GNPTAB: variants seen among roughly 807,000 people sequenced by gnomAD.
The protein encoded by GNPTAB is N-acetylglucosamine-1-phosphotransferase subunits alpha/beta.
A neutral mutation model predicts 136.6 loss-of-function variants in GNPTAB; 92 were observed. The observed-to-expected ratio is 0.67, with a 90% CI of 0.57 to 0.80. GNPTAB has a LOEUF of 0.80. GNPTAB is among the 30% of genes least tolerant of loss of function. The probability of loss-of-function intolerance (pLI) is 0.00; values close to 1 mark genes in which losing one functional copy is unlikely to be tolerated. For synonymous variants in GNPTAB, 512 were observed against 535.1 expected, an observed-to-expected ratio of 0.96 and a Z score of 0.60; for missense variants, 1,343 against 1,501.8, an observed-to-expected ratio of 0.89 and a Z score of 1.75.
intron 1 of GNPTAB, among the ~76,000 whole-genome samples, chr12:101,827,284 A>G (rs556106220): frequency 6.6e-6 from 1 of 151,896 alleles, no homozygotes; most frequent in South Asian, 2.1e-4. Context: ...CTTTTTTTGC[A>G]GAGATAGGGT....
At chr12:101,824,404 C>G (rs1052134181) in intron 1 of GNPTAB, among the ~76,000 whole-genome samples, 1 of 56,446 alleles carries the variant, frequency 1.8e-5, no homozygotes, top group Non-Finnish European at 3.0e-5. Context: ...AGAAATTTCA[C>G]CATATATATA....
chr12:101,751,806 A>C (rs1333528294), intron 19 of GNPTAB, among the ~76,000 whole-genome samples: 1 of 152,214 alleles, frequency 6.6e-6, no homozygotes, highest in Non-Finnish European at 1.5e-5. Context: ...GATGATGATG[A>C]AGCACACTTA....
intron 7 of GNPTAB, chr12:101,773,109 C>T (rs530475901): frequency 7.3e-4 from 176 of 239,624 alleles, no homozygotes; most frequent in African/African-American, 4.0e-3. Flanking sequence ...CCAGGCCTGA[C>T]CTCCATCTCC....
At chr12:101,763,993 C>T (rs185983868) in intron 13 of GNPTAB, among the ~76,000 whole-genome samples, 1 of 152,262 alleles carries the variant, frequency 6.6e-6, no homozygotes, top group East Asian at 1.9e-4. Context: ...TCCTAAACTA[C>T]AAAATGGGGA....
At chr12:101,811,838 C>T (rs1391497630) in intron 1 of GNPTAB, among the ~76,000 whole-genome samples, 1 of 151,474 alleles carries the variant, frequency 6.6e-6, no homozygotes, top group East Asian at 2.0e-4. Flanking sequence ...GGGGTTTCAC[C>T]ATGTTGGCCA....
chr12:101,765,511 G>C, intron 12 of GNPTAB: 1 of 574,102 alleles, frequency 1.7e-6, no homozygotes, highest in Admixed American at 3.0e-5. Context: ...AGTAGGCACT[G>C]AGTTTTCACT....
At chr12:101,799,066 T>C (rs746261870) in intron 1 of GNPTAB, among the ~76,000 whole-genome samples, 1 of 151,902 alleles carries the variant, frequency 6.6e-6, no homozygotes, top group East Asian at 1.9e-4. Flanking sequence ...AAAAAGGCAA[T>C]GAAAAATTAT....
chr12:101,785,737 T>C, intron 5 of GNPTAB: 1 of 401,682 alleles, frequency 2.5e-6, no homozygotes, highest in Non-Finnish European at 4.5e-6. Context: ...TCTAGAATAA[T>C]TCAGAGCCAA....
At chr12:101,756,011 G>A (rs916742998) in intron 18 of GNPTAB, among the ~76,000 whole-genome samples, 2 of 152,204 alleles carry the variant, frequency 1.3e-5, no homozygotes, top group Non-Finnish European at 2.9e-5. Flanking sequence ...AGAAAATGGG[G>A]GAAGTCTGTA....
intron 16 of GNPTAB, 150 bp downstream of exon 16, chr12:101,759,880 T>G (rs1952965596): frequency 3.0e-6 from 2 of 668,112 alleles, no homozygotes; most frequent in East Asian, 5.5e-5. Flanking sequence ...CTATGAATGA[T>G]TCGGATTACC....
At position 101,764,785 on chromosome 12, in the gene GNPTAB, A is replaced by C; in HGVS notation, c.2132T>G (p.Leu711Arg). Residue 711 changes from leucine (L) to arginine (R), a missense_variant, in exon 13 of 21, where the codon CTC becomes CGC. Physicochemically the swap from Leu to Arg is moderately radical, Grantham distance 102 (BLOSUM62 -2). Coordinates refer to ENST00000299314, the MANE Select transcript of GNPTAB (RefSeq NM_024312.5). ...SLLPKDAQLS[L>R]NTLDLQLEHG... ...TTCCAGTTGCAAATCCAAGGTATTG[A>C]GACTCAACTGGGCGTCTTTTGGAAG... The C allele has an allele frequency of 6.2e-7, 1 of 1,614,220 alleles. No individual in the cohort carries two copies. The highest frequency in any genetic ancestry group is 1.6e-4 in the Middle Eastern group (1 of 6,062).
chr12:101,749,079 A>T, intron 20 of GNPTAB, 22 bp downstream of exon 20: 1 of 1,267,624 alleles, frequency 7.9e-7, no homozygotes, highest in Non-Finnish European at 1.2e-6. Flanking sequence ...TTTAATACCC[A>T]CATAAAATAT....
chr12:101,788,781 T>A (rs1868816268), intron 3 of GNPTAB, among the ~76,000 whole-genome samples, 192 bp from the exon 4 acceptor site: 1 of 152,196 alleles, frequency 6.6e-6, no homozygotes, highest in Non-Finnish European at 1.5e-5. Context: ...TGCTCCAATA[T>A]AAGGTGGCCA....
At chr12:101,815,196 T>C (rs865798779) in intron 1 of GNPTAB, among the ~76,000 whole-genome samples, 120 of 152,288 alleles carry the variant, frequency 7.9e-4, no homozygotes, top group African/African-American at 2.7e-3. Flanking sequence ...GCCTCCCAAG[T>C]AGTTGTGACT....
At chr12:101,818,366 A>G (rs1870613107) in intron 1 of GNPTAB, among the ~76,000 whole-genome samples, 2 of 147,584 alleles carry the variant, frequency 1.4e-5, no homozygotes, top group South Asian at 4.3e-4. Flanking sequence ...CAACTTAAAT[A>G]TATTTGTGTC....
chr12:101,749,624 A>G (rs1266043881), intron 19 of GNPTAB, among the ~76,000 whole-genome samples: 1 of 152,254 alleles, frequency 6.6e-6, no homozygotes, highest in Non-Finnish European at 1.5e-5. Context: ...TTGCCATCAC[A>G]TAAGACACAG....
chr12:101,788,901 T>A (rs1868825165), intron 3 of GNPTAB, among the ~76,000 whole-genome samples: 2 of 152,232 alleles, frequency 1.3e-5, no homozygotes, highest in African/African-American at 4.8e-5. Context: ...GGTTCCTACC[T>A]CTTATGGCTA....
At chr12:101,830,020 AAAG>A (rs1208339769) in intron 1 of GNPTAB, among the ~76,000 whole-genome samples, 4 of 151,024 alleles carry the variant, frequency 2.6e-5, no homozygotes, top group Non-Finnish European at 4.4e-5. Context: ...AAAAAAAAAA[AAAG>A]AAAAAGAAAA....
intron 1 of GNPTAB, among the ~76,000 whole-genome samples, chr12:101,812,744 G>A (rs1044827922): frequency 1.3e-5 from 2 of 152,176 alleles, no homozygotes; most frequent in Non-Finnish European, 2.9e-5. Context: ...GGGTGACAGA[G>A]TAAGACCCTG....
Sources: gnomAD v4.1 joint callset for allele counts (sites outside exome capture counted in the v4.1 genomes callset) on GRCh38, gnomAD v4.1.1 for gene constraint, MANE v1.5 for transcripts, NCBI Gene and HGNC (gene_info 2026-07-23, HGNC 2026-07-21) for gene names.